The following CTNNA2 variants were observed in gnomAD, a reference collection of about 807,000 sequenced individuals.
The protein encoded by CTNNA2 is catenin alpha-2.
A neutral mutation model predicts 101.0 loss-of-function variants in CTNNA2; 42 were observed. That is an observed-to-expected ratio of 0.42 (90% confidence interval 0.32 to 0.54). The LOEUF (loss-of-function observed/expected upper bound fraction) is 0.54, where lower values mean the gene tolerates loss of function less well. CTNNA2 is among the 20% of genes least tolerant of loss of function. The pLI is 0.14. For missense variants in CTNNA2, 871 were observed against 1,223.1 expected (o/e 0.71, Z 4.29); for synonymous variants, 450 against 456.4 (o/e 0.99, Z 0.18).
intron 18 of CTNNA2, among the ~76,000 whole-genome samples, chr2:80,621,970 G>A (rs145273845): frequency 1.3e-5 from 2 of 151,996 alleles, no homozygotes; most frequent in African/African-American, 2.4e-5. Context: ...AGATGTTTGT[G>A]TTATTGTATA....
chr2:80,193,834 A>T (rs1262836154), intron 7 of CTNNA2, among the ~76,000 whole-genome samples: 1 of 152,114 alleles, frequency 6.6e-6, no homozygotes, highest in Non-Finnish European at 1.5e-5. Flanking sequence ...AATGAAGATG[A>T]TACTGAAAGT....
At chr2:80,495,034 G>C (rs1317563461) in intron 9 of CTNNA2, among the ~76,000 whole-genome samples, 2 of 152,110 alleles carry the variant, frequency 1.3e-5, no homozygotes, top group African/African-American at 4.8e-5. Flanking sequence ...CTGGTTCTAC[G>C]TGATGTTTGG....
chr2:79,488,318 C>CAAAAAA (rs61641596), intron 4 of CTNNA2, among the ~76,000 whole-genome samples: 11 of 99,882 alleles, frequency 1.1e-4, no homozygotes, highest in Admixed American at 2.5e-4. Flanking sequence ...AACTCCATCT[C>CAAAAAA]AAAAAAAAAA....
chr2:79,318,980 A>T (rs986715536), intron 3 of CTNNA2, among the ~76,000 whole-genome samples: 1 of 152,202 alleles, frequency 6.6e-6, no homozygotes, highest in Non-Finnish European at 1.5e-5. Flanking sequence ...ATAGTCACTT[A>T]GAAATTAGGA....
At chr2:79,502,965 T>C (rs1671336581) in intron 4 of CTNNA2, among the ~76,000 whole-genome samples, 2 of 152,122 alleles carry the variant, frequency 1.3e-5, no homozygotes, top group African/African-American at 4.8e-5. Flanking sequence ...GGCTCAACAA[T>C]ATAGACCTTC....
intron 2 of CTNNA2, among the ~76,000 whole-genome samples, chr2:79,219,721 A>G (rs1236490823): frequency 6.6e-6 from 1 of 152,226 alleles, no homozygotes; most frequent in African/African-American, 2.4e-5. Flanking sequence ...TGCAAGCTTA[A>G]AGATTGCAGT....
At chr2:79,206,261 G>C (rs1205352906) in intron 2 of CTNNA2, among the ~76,000 whole-genome samples, 1 of 149,532 alleles carries the variant, frequency 6.7e-6, no homozygotes, top group Non-Finnish European at 1.5e-5. Context: ...TGGAAAAAAA[G>C]TTTCTTTATA....
chr2:79,377,904 A>T (rs1677997406), intron 4 of CTNNA2, among the ~76,000 whole-genome samples: 1 of 152,088 alleles, frequency 6.6e-6, no homozygotes, highest in African/African-American at 2.4e-5. Context: ...CTGACCTAGG[A>T]GTTTCTTGAC....
chr2:79,738,626 T>G (rs1671070350), intron 2 of CTNNA2, among the ~76,000 whole-genome samples: 1 of 152,146 alleles, frequency 6.6e-6, no homozygotes, highest in African/African-American at 2.4e-5. Flanking sequence ...GCTAAGAAAA[T>G]TAACCAGGAG....
intron 4 of CTNNA2, among the ~76,000 whole-genome samples, chr2:79,455,790 C>T (rs939189978): frequency 1.3e-5 from 2 of 152,112 alleles, no homozygotes; most frequent in Admixed American, 6.5e-5. Context: ...GATCACTTAG[C>T]CATATACAAT....
intron 8 of CTNNA2, among the ~76,000 whole-genome samples, chr2:80,404,037 C>T (rs1384473149): frequency 1.3e-5 from 2 of 152,080 alleles, no homozygotes; most frequent in African/African-American, 2.4e-5. Context: ...ATTTTTGCAT[C>T]GATATTCATC....
chr2:79,914,334 T>C, intron 7 of CTNNA2, among the ~76,000 whole-genome samples: 1 of 152,042 alleles, frequency 6.6e-6, no homozygotes, highest in East Asian at 1.9e-4. Flanking sequence ...ACTAGAAAAA[T>C]TTAATACTTA....
At chr2:79,657,952 C>T (rs1681733310) in intron 2 of CTNNA2, among the ~76,000 whole-genome samples, 1 of 151,494 alleles carries the variant, frequency 6.6e-6, no homozygotes, top group Non-Finnish European at 1.5e-5. Context: ...TAATAAAGCC[C>T]TCTTTGGGAT....
chr2:80,101,563 A>G (rs555559516), intron 7 of CTNNA2, among the ~76,000 whole-genome samples: 2 of 152,268 alleles, frequency 1.3e-5, no homozygotes, highest in African/African-American at 4.8e-5. Context: ...TTCTCCTCCT[A>G]ATAGCGAAAG....
rs777628316 is a variant in CTNNA2, at chr2:79,651,669, C to T, written c.102+11C>T. On this transcript the variant is annotated intron_variant, in intron 2 of 18. Coordinates refer to ENST00000402739, the MANE Select transcript of CTNNA2 (RefSeq NM_001282597.3). ...CCACTTGTTACACAGGTAAGGGATG[C>T]TTTGAAACCACTTTGTTATATATGT... is the stretch of plus-strand genomic sequence containing the variant. The T allele has an allele frequency of 1.6e-5, 26 of 1,606,946 alleles. 2 individuals are homozygous for T. The Middle Eastern group carries it at 6.6e-4, about 41-fold the overall frequency.
chr2:80,600,803 T>C (rs1241611774), intron 15 of CTNNA2, among the ~76,000 whole-genome samples: 1 of 152,102 alleles, frequency 6.6e-6, no homozygotes, highest in Non-Finnish European at 1.5e-5. Context: ...CTTGAGCCCC[T>C]GGCAAGTGAT....
intron 1 of CTNNA2, among the ~76,000 whole-genome samples, chr2:79,558,927 T>TTTCTCTCTCCTCTC (rs1329666936): frequency 6.6e-6 from 1 of 151,820 alleles, no homozygotes; most frequent in Non-Finnish European, 1.5e-5. Context: ...TCTCTGCTCC[T>TTTCTCTCTCCTCTC]TTCTCTCTCC....
chr2:79,359,788 GT>G (rs55633034), intron 3 of CTNNA2, among the ~76,000 whole-genome samples: 9 of 149,820 alleles, frequency 6.0e-5, no homozygotes, highest in Non-Finnish European at 7.4e-5. Flanking sequence ...CAGTCTGAAG[GT>G]TTTTTTTTTC....
intron 7 of CTNNA2, among the ~76,000 whole-genome samples, chr2:79,982,357 C>CATATATAA (rs1190485272): frequency 3.4e-5 from 4 of 119,268 alleles, no homozygotes; most frequent in African/African-American, 1.5e-4. Context: ...ACCTATATAA[C>CATATATAA]CTATATAACA....
Sources: allele counts gnomAD v4.1 joint callset (sites outside exome capture counted in the v4.1 genomes callset), GRCh38; gene constraint gnomAD v4.1.1; transcripts MANE v1.5; gene names NCBI Gene and HGNC (gene_info 2026-07-23, HGNC 2026-07-21).